The following OPCML variants were observed in gnomAD, a reference collection of about 807,000 sequenced individuals.
The protein encoded by OPCML is opioid-binding protein/cell adhesion molecule.
OPCML carries 13 observed loss-of-function variants against 37.8 expected under a neutral mutation model. The observed-to-expected ratio is 0.34, with a 90% confidence interval of 0.22 to 0.55. The LOEUF is 0.55. Among genes scored for constraint, OPCML ranks in the 20% least tolerant of loss-of-function variants. OPCML has a pLI of 0.91. For synonymous variants in OPCML, 176 were observed against 168.8 expected, an observed-to-expected ratio of 1.04 and a Z score of -0.33; for missense variants, 341 against 435.6, an observed-to-expected ratio of 0.78 and a Z score of 1.93.
rs1353264783 is a variant in OPCML at position 133,177,985 on chromosome 11, C to T, written c.62-234975G>A. ...CAGGAGGCAATCCCAAGGTTTAAGG[C>T]AGAATTATGATAGTTTTGTCAATAC... On this transcript the variant is annotated intron_variant, in intron 1 of 7. Transcript: ENST00000524381. This position sits in a 1 kb window ranked among gnomAD's most constrained non-coding sequence, Gnocchi z 5.0. Among the ~76,000 whole-genome samples the T allele has an allele frequency of 6.6e-6, 1 of 152,102 alleles. No homozygotes were observed. The highest frequency in any genetic ancestry group is 1.5e-5 in the Non-Finnish European group (1 of 68,026).
rs575753360 is a variant in OPCML at position 133,122,467 on chromosome 11, G to A, written c.62-179457C>T. Among the ~76,000 whole-genome samples the A allele has an allele frequency of 1.2e-3, 184 of 152,256 alleles. 2 individuals are homozygous for A. The highest frequency in any genetic ancestry group is 4.3e-3 in the African/African-American group (178 of 41,554). ...GTTCCAAAACGTGAGCATGGAAGTT[G>A]TCAGGCACTTCTGGGCAGGAGGCCT... On this transcript the variant is annotated intron_variant, in intron 1 of 7. Transcript: ENST00000524381.
At chr11:132,480,049 C>T (rs2096173807) in intron 4 of OPCML, among the ~76,000 whole-genome samples, 1 of 152,144 alleles carries the variant, frequency 6.6e-6, no homozygotes, top group Non-Finnish European at 1.5e-5. Context: ...GAGAAGAAGG[C>T]TTCAGACGAT....
chr11:132,743,786 T>C (rs544459404), intron 2 of OPCML, among the ~76,000 whole-genome samples: 2 of 152,350 alleles, frequency 1.3e-5, no homozygotes, highest in African/African-American at 4.8e-5. Context: ...TCCATGTTCA[T>C]GTGAAAAGCA....
chr11:132,946,657 A>G (rs1443433491), intron 1 of OPCML, among the ~76,000 whole-genome samples: 2 of 152,210 alleles, frequency 1.3e-5, no homozygotes, highest in Non-Finnish European at 2.9e-5. Context: ...TCCTTTCCAG[A>G]AAGCAGGTAT....
chr11:133,153,348 C>G (rs1018299724), intron 1 of OPCML, among the ~76,000 whole-genome samples: 2 of 152,146 alleles, frequency 1.3e-5, no homozygotes, highest in Admixed American at 6.6e-5. Flanking sequence ...CACAGGAGAG[C>G]GAGTCCTCCA....
chr11:133,045,647 C>G (rs2136955124), intron 1 of OPCML, among the ~76,000 whole-genome samples: 1 of 152,340 alleles, frequency 6.6e-6, no homozygotes, highest in South Asian at 2.1e-4. Context: ...CCATCTTCTT[C>G]CCTCTCCCAA....
At chr11:132,853,821 CT>C (rs1396714542) in intron 2 of OPCML, among the ~76,000 whole-genome samples, 2 of 152,152 alleles carry the variant, frequency 1.3e-5, no homozygotes, top group Non-Finnish European at 2.9e-5. Flanking sequence ...AACTATTTTT[CT>C]TTCTTTCACA....
chr11:133,080,004 G>A (rs1948685018), intron 1 of OPCML, among the ~76,000 whole-genome samples: 1 of 152,188 alleles, frequency 6.6e-6, no homozygotes, highest in Non-Finnish European at 1.5e-5. Context: ...TTCAACATAA[G>A]GAGGAGCATT....
At chr11:132,735,545 G>A (rs756326619) in intron 2 of OPCML, among the ~76,000 whole-genome samples, 2 of 152,032 alleles carry the variant, frequency 1.3e-5, no homozygotes, top group Non-Finnish European at 2.9e-5. Context: ...GGAGTGCAGT[G>A]GTGCAATCTT....
intron 2 of OPCML, among the ~76,000 whole-genome samples, chr11:132,836,194 T>C (rs1239890602): frequency 6.6e-6 from 1 of 152,220 alleles, no homozygotes; most frequent in Non-Finnish European, 1.5e-5. Context: ...CCTGTATCCA[T>C]GGTGTCTAAT....
intron 1 of OPCML, among the ~76,000 whole-genome samples, chr11:133,352,911 T>C (rs1337053601): frequency 1.3e-5 from 2 of 152,228 alleles, no homozygotes; most frequent in East Asian, 3.8e-4. Context: ...TTCTGTTTCC[T>C]CACCTGCTAA....
rs116080955 is a variant in OPCML at position 133,205,787 on chromosome 11, G to A, written c.62-262777C>T. Among the ~76,000 whole-genome samples, 245 of 152,268 alleles carry A rather than the reference G, an allele frequency of 1.6e-3. 3 individuals are homozygous for A. The highest frequency in any genetic ancestry group is 5.7e-3 in the African/African-American group (238 of 41,548). ...ATGCCACTTGGTGTAAAGATATTTT[G>A]TGCTTATAAAATTAGGAAGAGTAAA... is the stretch of plus-strand genomic sequence containing the variant. On this transcript the variant is annotated intron_variant, in intron 1 of 7. Coordinates refer to ENST00000524381, the MANE Select transcript of OPCML (RefSeq NM_001012393.5). This position sits in a 1 kb window ranked among gnomAD's most constrained non-coding sequence, Gnocchi z 4.8.
At chr11:132,744,147 A>G (rs922311804) in intron 2 of OPCML, among the ~76,000 whole-genome samples, 9 of 152,196 alleles carry the variant, frequency 5.9e-5, no homozygotes, top group Non-Finnish European at 1.3e-4. Flanking sequence ...GTAGACATAA[A>G]CAAAGAATTT....
intron 1 of OPCML, among the ~76,000 whole-genome samples, chr11:133,165,005 G>C (rs1286983137): frequency 6.6e-6 from 1 of 152,108 alleles, no homozygotes; most frequent in African/African-American, 2.4e-5. Context: ...ATGATTTAAG[G>C]GTAAATGAAC....
At chr11:133,306,768 A>T (rs1230207481) in intron 1 of OPCML, among the ~76,000 whole-genome samples, 1 of 152,134 alleles carries the variant, frequency 6.6e-6, no homozygotes, top group Non-Finnish European at 1.5e-5. Context: ...ACATTCTACA[A>T]ATTGATGTGG....
At chr11:133,377,308 G>T (rs1343242053) in intron 1 of OPCML, among the ~76,000 whole-genome samples, 1 of 152,138 alleles carries the variant, frequency 6.6e-6, no homozygotes. Flanking sequence ...GCTGATGGTT[G>T]TCTCTCAGCT....
At chr11:132,949,733 AT>A (rs1465554966) in intron 1 of OPCML, among the ~76,000 whole-genome samples, 1 of 152,202 alleles carries the variant, frequency 6.6e-6, no homozygotes, top group Non-Finnish European at 1.5e-5. Flanking sequence ...CACCTATTTT[AT>A]GTTGGACACT....
intron 1 of OPCML, among the ~76,000 whole-genome samples, chr11:133,366,272 G>A (rs138781688): frequency 1.9e-4 from 29 of 152,274 alleles, no homozygotes; most frequent in Admixed American, 7.8e-4. Context: ...CGTGAGCCCC[G>A]CCTGCCAGGT....
intron 2 of OPCML, among the ~76,000 whole-genome samples, chr11:132,745,577 A>T (rs1945593715): frequency 8.2e-6 from 1 of 121,326 alleles, no homozygotes; most frequent in Non-Finnish European, 1.8e-5. Context: ...AAAAAAAAAA[A>T]AAAAAAGAAA....
Sources: allele counts gnomAD v4.1 joint callset (sites outside exome capture counted in the v4.1 genomes callset), GRCh38; gene constraint gnomAD v4.1.1; non-coding constraint Gnocchi (gnomAD v3.1); transcripts MANE v1.5; gene names NCBI Gene and HGNC (gene_info 2026-07-23, HGNC 2026-07-21).